CWC27: variants seen among roughly 807,000 people sequenced by gnomAD.
CWC27 encodes the protein CWC27 spliceosome associated cyclophilin, also known as spliceosome-associated protein CWC27 homolog.
CWC27 carries 47 observed loss-of-function variants against 63.6 expected under a neutral mutation model. The ratio of observed to expected loss-of-function variants is 0.74; its 90% CI spans 0.58 to 0.94. CWC27 has a LOEUF of 0.94. CWC27 is among the 40% of genes least tolerant of loss of function. The probability of loss-of-function intolerance (pLI) is 0.00; values close to 1 mark genes in which losing one functional copy is unlikely to be tolerated. For synonymous variants in CWC27, 175 were observed against 179.8 expected (o/e 0.97, Z 0.22); for missense variants, 495 against 554.3 (o/e 0.89, Z 1.07).
Position 64,769,174 on chromosome 5 carries a change from C to T in CWC27, c.28C>T (p.Pro10Ser). The change falls in exon 1 of 14, where the codon CCC (proline) becomes TCC (serine). Residue 10 changes from proline (P) to serine (S), a missense_variant. By Grantham distance (74) the Pro-to-Ser change is moderately conservative. Around this residue, in one of 3 missense-constraint regions of CWC27, gnomAD observed 463 missense variants for 498.1 expected, o/e 0.93. Coordinates refer to ENST00000381070, the MANE Select transcript of CWC27 (RefSeq NM_005869.4). MSNIYIQEP[P>S]TNGKVLLKTT... ...GAGCAACATCTACATCCAGGAGCCT[C>T]CCACGAATGGGAAGGTGAGAGCCTC... 1 of 1,614,054 alleles carries T rather than the reference C, an allele frequency of 6.2e-7. No individual in the cohort carries two copies. Among genetic ancestry groups the T allele is most frequent in the Non-Finnish European group, 8.5e-7 (1 of 1,179,986 alleles).
intron 10 of CWC27, among the ~76,000 whole-genome samples, chr5:64,823,667 A>G (rs1745275613): frequency 6.6e-6 from 1 of 152,232 alleles, no homozygotes; most frequent in South Asian, 2.1e-4. Flanking sequence ...ACCAAATAGT[A>G]TAAACAGACT....
At chr5:64,843,602 G>A (rs1216750066) in intron 10 of CWC27, among the ~76,000 whole-genome samples, 3 of 152,026 alleles carry the variant, frequency 2.0e-5, no homozygotes, top group Non-Finnish European at 2.9e-5. Context: ...TTATGTAAAT[G>A]TTTTGACATA....
At chr5:64,860,966 A>G (rs1746397997) in intron 10 of CWC27, among the ~76,000 whole-genome samples, 1 of 152,176 alleles carries the variant, frequency 6.6e-6, no homozygotes, top group Non-Finnish European at 1.5e-5. Flanking sequence ...AGAGATTTGG[A>G]TAAGGTACAA....
At chr5:64,959,069 G>C (rs938008986) in intron 11 of CWC27, among the ~76,000 whole-genome samples, 2 of 151,998 alleles carry the variant, frequency 1.3e-5, no homozygotes, top group African/African-American at 4.8e-5. Flanking sequence ...ATAAATGGTA[G>C]TTTTTTTATT....
chr5:64,785,490 G>A lies in CWC27; in HGVS notation c.406G>A (p.Asp136Asn). ...KHTIFGKVTG[D>N]TVYNMLRLSE... is the part of the protein sequence containing the mutation. The stretch of plus-strand genomic sequence containing the variant: ...ATTTTTAATTTGATAGGTTACAGGG[G>A]ATACAGTATATAACATGTTGCGACT... Residue 136 changes from aspartate to asparagine, a missense_variant, in exon 5 of 14, where the codon GAT becomes AAT. Physicochemically the swap from Asp to Asn is conservative, Grantham distance 23. Around this residue, in one of 3 missense-constraint regions of CWC27, gnomAD observed 463 missense variants for 498.1 expected, o/e 0.93. Transcript: ENST00000381070. 3 of 1,448,470 alleles carry A rather than the reference G, an allele frequency of 2.1e-6. No individual in the cohort carries two copies. Among genetic ancestry groups the A allele is most frequent in the South Asian group, 1.5e-5 (1 of 65,132 alleles). The allele number at this position is 1,448,470 out of a possible 1,614,324, so 89.7% of individuals were successfully genotyped here.
At chr5:64,851,454 G>T (rs2112297413) in intron 10 of CWC27, among the ~76,000 whole-genome samples, 1 of 152,262 alleles carries the variant, frequency 6.6e-6, no homozygotes, top group Admixed American at 6.5e-5. Flanking sequence ...GTGATATGTT[G>T]TTGGTTTGTT....
Position 64,934,510 on chromosome 5 carries a change from C to T in CWC27, c.1043-37193C>T, listed in dbSNP as rs138198881. ...CTTTATCCAGTCTATCATTGATGAGCGTTTGGGTTGGTTCCAAGTCTTTGC... is the reference window on the plus strand; with the variant it reads ...CTTTATCCAGTCTATCATTGATGAGTGTTTGGGTTGGTTCCAAGTCTTTGC... On this transcript the variant is annotated intron_variant, in intron 11 of 13. Transcript: ENST00000381070. Among the ~76,000 whole-genome samples, 346 of 152,250 alleles carry T rather than the reference C, an allele frequency of 2.3e-3. 1 individual carries two copies. The highest frequency in any genetic ancestry group is 7.9e-3 in the African/African-American group (327 of 41,536).
At chr5:64,940,278 G>T (rs2112413547) in intron 11 of CWC27, among the ~76,000 whole-genome samples, 1 of 152,310 alleles carries the variant, frequency 6.6e-6, no homozygotes, top group East Asian at 1.9e-4. Context: ...TCTTTGGGTT[G>T]CGAAGACTGT....
At chr5:64,848,611 C>A (rs1366222546) in intron 10 of CWC27, among the ~76,000 whole-genome samples, 1 of 152,052 alleles carries the variant, frequency 6.6e-6, no homozygotes, top group Non-Finnish European at 1.5e-5. Context: ...AAACCAAATT[C>A]AATTATACAT....
chr5:64,920,871 G>A (rs889578558), intron 11 of CWC27, among the ~76,000 whole-genome samples: 3 of 151,792 alleles, frequency 2.0e-5, no homozygotes, highest in Non-Finnish European at 2.9e-5. Flanking sequence ...CTACCTAGGG[G>A]TCTATCAATT....
chr5:64,978,522 C>T (rs908518775), intron 13 of CWC27, among the ~76,000 whole-genome samples: 2 of 152,022 alleles, frequency 1.3e-5, no homozygotes, highest in African/African-American at 4.8e-5. Flanking sequence ...TGTTGATTGA[C>T]CCATAGTTAA....
At chr5:64,955,774 G>C (rs1748792609) in intron 11 of CWC27, among the ~76,000 whole-genome samples, 1 of 151,952 alleles carries the variant, frequency 6.6e-6, no homozygotes, top group Non-Finnish European at 1.5e-5. Context: ...AGAAACAACT[G>C]GATATGGTGC....
chr5:64,847,011 A>G (rs1343995376), intron 10 of CWC27, among the ~76,000 whole-genome samples: 1 of 151,046 alleles, frequency 6.6e-6, no homozygotes, highest in Non-Finnish European at 1.5e-5. Flanking sequence ...AAAAAAAAAA[A>G]GAAAAAGGAA....
intron 13 of CWC27, among the ~76,000 whole-genome samples, chr5:64,981,534 C>T (rs1232504711): frequency 1.3e-5 from 2 of 152,070 alleles, no homozygotes; most frequent in East Asian, 3.9e-4. Context: ...ATGTCATTGC[C>T]CATTTTCTTA....
At position 64,897,751 on chromosome 5, in the gene CWC27, T is replaced by TA. The variant is rs532201353; in HGVS notation, c.1042+12213dup. Among the ~76,000 whole-genome samples the TA allele has an allele frequency of 2.3e-3, 343 of 151,866 alleles. 1 individual carries two copies. The highest frequency in any genetic ancestry group is 7.9e-3 in the African/African-American group (326 of 41,392). Reference sequence around the variant, plus strand: ...TACCCTAGAACTTAAAGTATAATAATAAAAAAAATTGGACAATCAAATCGT... The same window carrying TA: ...TACCCTAGAACTTAAAGTATAATAATAAAAAAAAATTGGACAATCAAATCGT... On this transcript the variant is annotated intron_variant, in intron 11 of 13. Transcript: ENST00000381070.
chr5:64,953,483 G>GA (rs1017317593), intron 11 of CWC27, among the ~76,000 whole-genome samples: 1 of 151,928 alleles, frequency 6.6e-6, no homozygotes. Context: ...CTAAGCCAAA[G>GA]AAAAAATTTA....
chr5:64,994,737 T>C (rs1046652947), intron 13 of CWC27, among the ~76,000 whole-genome samples: 1 of 152,184 alleles, frequency 6.6e-6, no homozygotes, highest in Non-Finnish European at 1.5e-5. Context: ...CTGTATGAAG[T>C]TGAATCATTT....
chr5:64,973,228 G>C (rs1749157018), intron 12 of CWC27, among the ~76,000 whole-genome samples: 1 of 152,194 alleles, frequency 6.6e-6, no homozygotes, highest in Non-Finnish European at 1.5e-5. Flanking sequence ...CCATGTTAAG[G>C]AGTTTAGAAT....
chr5:64,980,240 A>G (rs1422354119), intron 13 of CWC27, among the ~76,000 whole-genome samples: 2 of 152,166 alleles, frequency 1.3e-5, no homozygotes, highest in East Asian at 1.9e-4. Context: ...CTTTGTCACT[A>G]TATTCCTTAG....
Sources: allele counts gnomAD v4.1 joint callset (sites outside exome capture counted in the v4.1 genomes callset), GRCh38; gene constraint gnomAD v4.1.1; regional missense constraint gnomAD v4.1.1; transcripts MANE v1.5; gene names NCBI Gene and HGNC (gene_info 2026-07-23, HGNC 2026-07-21).